CD38: variants seen among roughly 807,000 people sequenced by gnomAD.
The protein encoded by CD38 is ADP-ribosyl cyclase/cyclic ADP-ribose hydrolase 1.
In CD38, 31 loss-of-function variants were observed where a neutral mutation model predicts 36.3. The ratio of observed to expected loss-of-function variants is 0.85; its 90% CI spans 0.64 to 1.15. The LOEUF (loss-of-function observed/expected upper bound fraction) is 1.15. Ranked by LOEUF, CD38 falls within the 50% of genes most tolerant of loss-of-function variation. The pLI is 0.00. For synonymous variants in CD38, 131 were observed against 135.2 expected (o/e 0.97, Z 0.22); for missense variants, 380 against 371.9 (o/e 1.02, Z -0.18).
At chr4:15,805,410 C>T (rs13104011) in intron 1 of CD38, among the ~76,000 whole-genome samples, 22,568 of 152,050 alleles carry the variant, frequency 0.15, 1,859 homozygotes, top group South Asian at 0.26. Context: ...TATTTAATGC[C>T]ACCCTATTTA....
At chr4:15,818,951 C>T (rs537529289) in intron 2 of CD38, among the ~76,000 whole-genome samples, 1 of 152,302 alleles carries the variant, frequency 6.6e-6, no homozygotes, top group South Asian at 2.1e-4. Context: ...TGCCTCTTCT[C>T]CTCCAGATGA....
At chr4:15,826,459 G>GCA (rs67475051) in intron 3 of CD38, among the ~76,000 whole-genome samples, 16,292 of 146,184 alleles carry the variant, frequency 0.11, 947 homozygotes, top group Non-Finnish European at 0.12. Flanking sequence ...ACTTTTGTGC[G>GCA]CACACACACA....
chr4:15,847,734 C>G (rs1358262294), intron 7 of CD38, among the ~76,000 whole-genome samples: 1 of 151,896 alleles, frequency 6.6e-6, no homozygotes, highest in African/African-American at 2.4e-5. Flanking sequence ...GGTCTTATCC[C>G]CAATACTCTT....
intron 1 of CD38, among the ~76,000 whole-genome samples, chr4:15,810,005 A>G (rs1723431552): frequency 6.6e-6 from 1 of 152,166 alleles, no homozygotes; most frequent in Non-Finnish European, 1.5e-5. Flanking sequence ...CAGATTTCTC[A>G]TTGCCTCTAC....
intron 2 of CD38, among the ~76,000 whole-genome samples, chr4:15,821,597 G>A (rs1396639854): frequency 1.3e-5 from 2 of 151,068 alleles, no homozygotes; most frequent in Admixed American, 1.3e-4. Flanking sequence ...ATAAATTTCT[G>A]GATACATACA....
At chr4:15,826,468 C>CGG in intron 3 of CD38, among the ~76,000 whole-genome samples, 1 of 150,892 alleles carries the variant, frequency 6.6e-6, no homozygotes, top group Non-Finnish European at 1.5e-5. Flanking sequence ...CGCACACACA[C>CGG]ACACACACAC....
intron 2 of CD38, chr4:15,816,898 G>GA (rs1460991040): frequency 2.1e-5 from 9 of 426,260 alleles, no homozygotes; most frequent in Non-Finnish European, 2.6e-5. Flanking sequence ...AAACTAGGCA[G>GA]AAAAAACCTA....
intron 2 of CD38, among the ~76,000 whole-genome samples, chr4:15,820,363 T>C (rs925447855): frequency 2.0e-5 from 3 of 152,128 alleles, no homozygotes; most frequent in Non-Finnish European, 4.4e-5. Flanking sequence ...TAAGTGTAAA[T>C]GGGCTAAATG....
At chr4:15,841,764 G>C (rs890183285) in intron 7 of CD38, among the ~76,000 whole-genome samples, 2 of 144,202 alleles carry the variant, frequency 1.4e-5, no homozygotes, top group African/African-American at 5.4e-5. Context: ...CAAGGGGTCA[G>C]GGAGTTCCCT....
At chr4:15,822,757 C>T (rs1215563122) in intron 2 of CD38, among the ~76,000 whole-genome samples, 1 of 152,126 alleles carries the variant, frequency 6.6e-6, no homozygotes, top group African/African-American at 2.4e-5. Flanking sequence ...GGCCATACTG[C>T]CCAAGGTAAT....
intron 1 of CD38, among the ~76,000 whole-genome samples, chr4:15,799,360 T>C (rs188520678): frequency 1.3e-5 from 2 of 152,358 alleles, no homozygotes; most frequent in Admixed American, 6.5e-5. Flanking sequence ...ATCTGTTTTA[T>C]GGTCTGTTTG....
intron 3 of CD38, among the ~76,000 whole-genome samples, chr4:15,829,132 A>G (rs1486995456): frequency 2.6e-5 from 4 of 152,032 alleles, no homozygotes; most frequent in Non-Finnish European, 5.9e-5. Context: ...AAAAATGTCT[A>G]TTCAGGTCCT....
Position 15,842,218 on chromosome 4 carries a change from C to T in CD38, c.839+1680C>T, listed in dbSNP as rs1213107983. On this transcript the variant is annotated intron_variant, in intron 7 of 7. Transcript: ENST00000226279. ...CAGCACGCAGCTGGAGATCTGAGAA[C>T]GGGCAGACTGCCTCTTCAAGTGGGT... 3.5e-5 allele frequency among the ~76,000 whole-genome samples: 4 copies of T among 115,870 alleles called. 1 individual carries two copies. The highest frequency in any genetic ancestry group is 6.9e-5 in the Non-Finnish European group (4 of 58,014). 76.0% of individuals were successfully genotyped at this position (115,870 alleles called of 152,430 possible). A position where few individuals can be genotyped will look rare whatever the true frequency, so the allele number is the denominator to read the frequency against.
chr4:15,818,911 C>T (rs1451593854), intron 2 of CD38, among the ~76,000 whole-genome samples: 1 of 152,176 alleles, frequency 6.6e-6, no homozygotes, highest in Non-Finnish European at 1.5e-5. Context: ...AGAATCAGCA[C>T]AAAAATGCTG....
chr4:15,826,758 G>GA (rs58322156), intron 3 of CD38, among the ~76,000 whole-genome samples: 26,475 of 149,554 alleles, frequency 0.18, 2,379 homozygotes, highest in South Asian at 0.23. Flanking sequence ...ACTAAAAAAA[G>GA]AAAAAAAAAG....
At chr4:15,817,574 G>C (rs996537219) in intron 2 of CD38, among the ~76,000 whole-genome samples, 7 of 152,170 alleles carry the variant, frequency 4.6e-5, no homozygotes, top group Admixed American at 2.6e-4. Context: ...AATTTCCCTA[G>C]CACCCCATTA....
At chr4:15,797,670 T>C (rs1469424932) in intron 1 of CD38, among the ~76,000 whole-genome samples, 19 of 152,160 alleles carry the variant, frequency 1.2e-4, no homozygotes, top group Admixed American at 1.2e-3. Flanking sequence ...GTCGGTGCCT[T>C]CTGAAGGTGT....
chr4:15,800,180 C>T (rs1476777281), intron 1 of CD38, among the ~76,000 whole-genome samples: 2 of 152,164 alleles, frequency 1.3e-5, no homozygotes, highest in African/African-American at 4.8e-5. Flanking sequence ...GTGCTGTTGA[C>T]CTAGCTCAGC....
At chr4:15,819,116 C>T (rs1266956254) in intron 2 of CD38, among the ~76,000 whole-genome samples, 1 of 150,086 alleles carries the variant, frequency 6.7e-6, no homozygotes, top group Middle Eastern at 3.2e-3. Flanking sequence ...TGTTCTCACT[C>T]ATAAGTGGGA....
Sources: allele counts gnomAD v4.1 joint callset (sites outside exome capture counted in the v4.1 genomes callset), GRCh38; gene constraint gnomAD v4.1.1; transcripts MANE v1.5; gene names NCBI Gene and HGNC (gene_info 2026-07-23, HGNC 2026-07-21).